AGBL1: variants seen among roughly 807,000 people sequenced by gnomAD.
AGBL1 encodes cytosolic carboxypeptidase 4.
In AGBL1, 130 loss-of-function variants were observed where a neutral mutation model predicts 118.9. The observed-to-expected ratio is 1.09, with a 90% CI of 0.95 to 1.26. The LOEUF (loss-of-function observed/expected upper bound fraction) is 1.26. AGBL1 is among the 50% of genes most tolerant of loss of function. AGBL1 has a pLI of 0.00. For missense variants in AGBL1, 1,584 were observed against 1,298.1 expected (o/e 1.22, Z -3.38); for synonymous variants, 555 against 478.9 (o/e 1.16, Z -2.08).
intron 1 of AGBL1, among the ~76,000 whole-genome samples, chr15:86,125,812 TC>T (rs1390163287): frequency 6.6e-6 from 1 of 152,204 alleles, no homozygotes; most frequent in Non-Finnish European, 1.5e-5. Context: ...AAAGTGGAAT[TC>T]CGGAAAACAG....
intron 23 of AGBL1, among the ~76,000 whole-genome samples, chr15:86,959,875 A>G (rs2080973889): frequency 6.6e-6 from 1 of 152,048 alleles, no homozygotes; most frequent in Non-Finnish European, 1.5e-5. Context: ...CAAGTGGATC[A>G]TTGATTGGAT....
intron 22 of AGBL1, among the ~76,000 whole-genome samples, chr15:86,811,637 T>C (rs8032609): frequency 2.7e-3 from 413 of 152,306 alleles, no homozygotes; most frequent in African/African-American, 9.6e-3. Context: ...AATCATGGAA[T>C]AATCTTAGTT....
intron 23 of AGBL1, among the ~76,000 whole-genome samples, chr15:86,981,069 T>G (rs2081227911): frequency 6.6e-6 from 1 of 152,018 alleles, no homozygotes; most frequent in South Asian, 2.1e-4. Context: ...GTATTTTCAG[T>G]AGAGACAGGG....
chr15:86,202,136 T>G (rs1334381365), intron 5 of AGBL1, among the ~76,000 whole-genome samples: 1 of 152,020 alleles, frequency 6.6e-6, no homozygotes, highest in African/African-American at 2.4e-5. Flanking sequence ...CTACTAAAAA[T>G]ACAAAAATTA....
intron 5 of AGBL1, among the ~76,000 whole-genome samples, chr15:86,184,782 C>T (rs1411673929): frequency 6.6e-6 from 1 of 152,154 alleles, no homozygotes; most frequent in Non-Finnish European, 1.5e-5. Flanking sequence ...TTGGAAAAAA[C>T]TACTTTAAAG....
At chr15:86,742,081 C>T (rs141420839) in intron 22 of AGBL1, among the ~76,000 whole-genome samples, 5 of 151,664 alleles carry the variant, frequency 3.3e-5, no homozygotes, top group African/African-American at 7.3e-5. Context: ...GTTGAGAGGC[C>T]GGCAGTGACT....
At chr15:86,648,914 G>C (rs1202405825) in intron 21 of AGBL1, among the ~76,000 whole-genome samples, 2 of 152,320 alleles carry the variant, frequency 1.3e-5, no homozygotes, top group African/African-American at 4.8e-5. Flanking sequence ...AGAGTAATGG[G>C]TGTGAGATTA....
chr15:86,890,905 G>T (rs913841745), intron 22 of AGBL1, among the ~76,000 whole-genome samples: 4 of 152,088 alleles, frequency 2.6e-5, no homozygotes, highest in African/African-American at 9.7e-5. Context: ...TTTTAAAATA[G>T]TTTTTCCTAA....
intron 19 of AGBL1, among the ~76,000 whole-genome samples, chr15:86,537,938 A>T (rs1361886035): frequency 6.6e-6 from 1 of 152,234 alleles, no homozygotes; most frequent in African/African-American, 2.4e-5. Flanking sequence ...CATTAGATAC[A>T]AAACAAAGCC....
At chr15:86,633,865 G>GTATATA (rs199562622) in intron 21 of AGBL1, among the ~76,000 whole-genome samples, 1 of 102,944 alleles carries the variant, frequency 9.7e-6, no homozygotes, top group African/African-American at 4.2e-5. Flanking sequence ...TATATATAAT[G>GTATATA]TATATATATA....
In AGBL1 at chr15:86,584,579, T is replaced by C. The variant is rs113536223; in HGVS notation, c.2994+30042T>C. Among the ~76,000 whole-genome samples, 208 of 152,308 alleles carry C rather than the reference T, an allele frequency of 1.4e-3. 1 individual carries two copies. Among genetic ancestry groups the C allele is most frequent in the African/African-American group, 4.3e-3 (180 of 41,576 alleles). On this transcript the variant is annotated intron_variant, in intron 21 of 22. Coordinates refer to ENST00000614907, the MANE Select transcript of AGBL1 (RefSeq NM_001386094.1). ...ACCAGTACCATGCTGTTTTGGTTAC[T>C]ATAAATTTACAGTACAGTATGAAGT...
intron 22 of AGBL1, among the ~76,000 whole-genome samples, chr15:86,732,889 C>G (rs2077544369): frequency 6.7e-6 from 1 of 149,058 alleles, no homozygotes; most frequent in Admixed American, 6.7e-5. Context: ...AGATATATAG[C>G]TATAGATAAA....
chr15:86,837,978 G>A (rs1233278258), intron 22 of AGBL1, among the ~76,000 whole-genome samples: 1 of 152,120 alleles, frequency 6.6e-6, no homozygotes, highest in African/African-American at 2.4e-5. Flanking sequence ...CCATCTTCAT[G>A]ATGAATCGTT....
chr15:86,860,176 G>T (rs1317827841), intron 22 of AGBL1, among the ~76,000 whole-genome samples: 1 of 152,114 alleles, frequency 6.6e-6, no homozygotes, highest in Non-Finnish European at 1.5e-5. Context: ...CTGAGCCTCA[G>T]TTTTGTATCT....
chr15:86,327,570 G>A lies in AGBL1; in HGVS notation c.2374+32162G>A, dbSNP rs917868003. ...AAGAGACAATAAATCTTAGGCATAT[G>A]TGCCCAGCAGAAGTGTTTGTATATG... On this transcript the variant is annotated intron_variant, in intron 17 of 22. Transcript: ENST00000614907. 4.1e-4 allele frequency among the ~76,000 whole-genome samples: 62 copies of A among 152,180 alleles called. 1 individual carries two copies. The highest frequency in any genetic ancestry group is 8.8e-5 in the Non-Finnish European group (6 of 68,036).
Position 86,664,058 on chromosome 15 carries a change from A to G in AGBL1, c.2995-10215A>G, listed in dbSNP as rs572543060. On this transcript the variant is annotated intron_variant, in intron 21 of 22. Transcript: ENST00000614907. The stretch of plus-strand genomic sequence containing the variant: ...AAGGTCCAGCATAGAAATGAAGGAC[A>G]TGTTTGAAGTCTAGCCCACACCTTC... 4.6e-5 allele frequency among the ~76,000 whole-genome samples: 7 copies of G among 152,320 alleles called. No individual in the cohort carries two copies. In the East Asian group the frequency reaches 1.4e-3, roughly 29 times the overall value.
At chr15:86,142,454 C>G (rs901826164) in intron 2 of AGBL1, among the ~76,000 whole-genome samples, 4 of 152,128 alleles carry the variant, frequency 2.6e-5, no homozygotes, top group African/African-American at 9.7e-5. Context: ...GTAAGCATCA[C>G]GTTTTCAGAG....
chr15:86,988,334 T>TA (rs748465436), intron 24 of AGBL1: 8 of 333,890 alleles, frequency 2.4e-5, no homozygotes, highest in Non-Finnish European at 3.8e-5. Context: ...ACTCAGTACT[T>TA]ACTATCTGCC....
At chr15:86,158,277 T>C (rs1486962647) in intron 4 of AGBL1, among the ~76,000 whole-genome samples, 3 of 152,244 alleles carry the variant, frequency 2.0e-5, no homozygotes, top group African/African-American at 4.8e-5. Context: ...CTTCCTTTCC[T>C]GAGGGTTGGA....
Sources: gnomAD v4.1 joint callset for allele counts (sites outside exome capture counted in the v4.1 genomes callset) on GRCh38, gnomAD v4.1.1 for gene constraint, MANE v1.5 for transcripts, NCBI Gene and HGNC (gene_info 2026-07-23, HGNC 2026-07-21) for gene names.